ZFHX3: variants seen among roughly 807,000 people sequenced by gnomAD.
ZFHX3 encodes the protein zinc finger homeobox 3, also known as zinc finger homeobox protein 3.
A neutral mutation model predicts 279.1 loss-of-function variants in ZFHX3; 42 were observed. The observed-to-expected ratio is 0.15, with a 90% CI of 0.12 to 0.19. The LOEUF is 0.19. ZFHX3 is among the 10% of genes least tolerant of loss of function. The pLI, the probability that ZFHX3 is intolerant of heterozygous loss-of-function variation, is 1.00. For missense variants in ZFHX3, 4,981 were observed against 4,754.0 expected (o/e 1.05, Z -1.40); for synonymous variants, 2,293 against 1,957.8 (o/e 1.17, Z -4.52).
intron 2 of ZFHX3, among the ~76,000 whole-genome samples, chr16:73,526,716 G>T (rs1430277913): frequency 6.6e-6 from 1 of 152,124 alleles, no homozygotes; most frequent in Non-Finnish European, 1.5e-5. Flanking sequence ...GGAGAATGAT[G>T]ACACTTCCAG....
chr16:73,108,388 G>A (rs1486578910), intron 7 of ZFHX3, among the ~76,000 whole-genome samples: 1 of 151,886 alleles, frequency 6.6e-6, no homozygotes, highest in Non-Finnish European at 1.5e-5. Flanking sequence ...GGAAGACGAT[G>A]AAGAGGAGAA....
intron 5 of ZFHX3, among the ~76,000 whole-genome samples, chr16:72,813,711 T>C (rs1256714552): frequency 1.3e-5 from 2 of 152,190 alleles, no homozygotes; most frequent in Non-Finnish European, 2.9e-5. Context: ...TTGCTCTTAA[T>C]GGGAGTTATT....
At chr16:73,037,082 T>C (rs913450454) in intron 1 of ZFHX3, among the ~76,000 whole-genome samples, 2 of 152,048 alleles carry the variant, frequency 1.3e-5, no homozygotes, top group African/African-American at 2.4e-5. Flanking sequence ...AAAGTACAAA[T>C]ACAAGAGAAC....
At chr16:73,733,452 T>A (rs1375096700) in intron 1 of ZFHX3, among the ~76,000 whole-genome samples, 1 of 152,216 alleles carries the variant, frequency 6.6e-6, no homozygotes, top group Non-Finnish European at 1.5e-5. Context: ...GATGTTAAAA[T>A]TTATATTTTT....
intron 5 of ZFHX3, among the ~76,000 whole-genome samples, chr16:73,247,289 G>C (rs943473200): frequency 6.6e-6 from 1 of 152,020 alleles, no homozygotes; most frequent in Non-Finnish European, 1.5e-5. Flanking sequence ...AAATGTGTCT[G>C]TGTGTCTATG....
chr16:73,087,829 T>C (rs1344871208), intron 8 of ZFHX3, among the ~76,000 whole-genome samples: 2 of 150,584 alleles, frequency 1.3e-5, no homozygotes, highest in Non-Finnish European at 3.0e-5. Context: ...CATTTCTCTC[T>C]CTTTTTTTTT....
chr16:73,061,639 G>A (rs1205538612), upstream of ZFHX3: 1 of 151,840 alleles, frequency 6.6e-6, no homozygotes, highest in Non-Finnish European at 1.5e-5. Flanking sequence ...AATACATCAG[G>A]TAAGGAAAAT....
At chr16:73,012,941 T>C (rs1963965158) in intron 1 of ZFHX3, among the ~76,000 whole-genome samples, 1 of 152,224 alleles carries the variant, frequency 6.6e-6, no homozygotes, top group Non-Finnish European at 1.5e-5. Context: ...GCAGAAAATG[T>C]ATCCATGCTG....
intron 2 of ZFHX3, among the ~76,000 whole-genome samples, chr16:73,589,130 C>A (rs892102347): frequency 6.6e-6 from 1 of 150,626 alleles, no homozygotes; most frequent in African/African-American, 2.4e-5. Flanking sequence ...TGTGGTGATG[C>A]ACGCCTGTAA....
At chr16:72,845,716 C>T (rs1567544899) in intron 4 of ZFHX3, among the ~76,000 whole-genome samples, 1 of 152,038 alleles carries the variant, frequency 6.6e-6, no homozygotes. Context: ...TGTGTAGACC[C>T]CTTCACCACC....
chr16:73,819,445 A>G (rs1461028564), intron 1 of ZFHX3, among the ~76,000 whole-genome samples: 3 of 151,930 alleles, frequency 2.0e-5, no homozygotes, highest in Non-Finnish European at 4.4e-5. Context: ...ACTGGGTTAG[A>G]CAAAATAACT....
At chr16:73,185,676 T>C (rs550217231) in intron 5 of ZFHX3, among the ~76,000 whole-genome samples, 17 of 152,200 alleles carry the variant, frequency 1.1e-4, no homozygotes, top group Non-Finnish European at 2.4e-4. Flanking sequence ...TTGTAATGTA[T>C]TAAAAATAGC....
At chr16:73,539,730 C>A (rs796137188) in intron 2 of ZFHX3, among the ~76,000 whole-genome samples, 23 of 152,114 alleles carry the variant, frequency 1.5e-4, no homozygotes, top group African/African-American at 5.5e-4. Context: ...CCGTGTAGGT[C>A]CGGGCCATCG....
chr16:73,037,793 C>A (rs886873202), intron 1 of ZFHX3, among the ~76,000 whole-genome samples: 1 of 152,200 alleles, frequency 6.6e-6, no homozygotes, highest in South Asian at 2.1e-4. Context: ...CCTGGCTGAC[C>A]CCCATGTCCC....
At position 72,959,831 on chromosome 16, in the gene ZFHX3, C is replaced by CG. The variant is rs769936196; in HGVS notation, c.314dup (p.Pro106AlafsTer13). 2.5e-6 allele frequency: 4 copies of CG among 1,592,790 alleles called. No individual in the cohort carries two copies. ...TGGCGCTCTCCTCTCTCAGGGGTGG[C>CG]GGGGGGCGCGCGCTGGGGCAGTGGT... On this transcript the variant is annotated frameshift_variant, in exon 2 of 10. Coordinates refer to ENST00000268489, the MANE Select transcript of ZFHX3 (RefSeq NM_006885.4). LOFTEE classifies it high-confidence loss of function.
chr16:72,889,795 A>T lies in ZFHX3; in HGVS notation c.3384T>A (p.Leu1128=), dbSNP rs138124176. ...GCCCCAGGTCCTCGTCCTCCTCTGG[A>T]AGGCCCTTCTGCAGCCGCTGCAGCT... ...LRKLQRLQKG[L]PEEDEDLGQI... The change falls in exon 4 of 10, where the codon CTT becomes CTA. Residue 1128 remains leucine, a synonymous_variant. Transcript: ENST00000268489. 1.2e-6 allele frequency: 2 copies of T among 1,613,526 alleles called. No homozygotes were observed. The highest frequency in any genetic ancestry group is 8.5e-7 in the Non-Finnish European group (1 of 1,180,046).
Position 72,889,798 on chromosome 16 carries a change from G to A in ZFHX3, c.3381C>T (p.Gly1127=), listed in dbSNP as rs2038724847. The change falls in exon 4 of 10, where the codon GGC becomes GGT. Residue 1127 remains glycine (G), a synonymous_variant. Coordinates refer to ENST00000268489, the MANE Select transcript of ZFHX3 (RefSeq NM_006885.4). ...CCAGGTCCTCGTCCTCCTCTGGAAG[G>A]CCCTTCTGCAGCCGCTGCAGCTTTC... ...SLRKLQRLQK[G]LPEEDEDLGQ... 1 of 1,613,596 alleles carries A rather than the reference G, an allele frequency of 6.2e-7. No individual in the cohort carries two copies. Among genetic ancestry groups the A allele is most frequent in the South Asian group, 1.1e-5 (1 of 91,060 alleles).
chr16:72,856,380 G>C (rs1053184963), intron 4 of ZFHX3, among the ~76,000 whole-genome samples: 2 of 152,228 alleles, frequency 1.3e-5, no homozygotes, highest in East Asian at 3.8e-4. Flanking sequence ...GGGGGCTCAC[G>C]AGGCTTCCGG....
chr16:73,603,110 C>T lies in ZFHX3; in HGVS notation c.-1547+77070G>A, dbSNP rs185612863. ...ACCATCCTGGCTAACACGGTAAAAC[C>T]TGTCTCTACTAAAAAATACAAAAAA... On this transcript the variant is annotated intron_variant, in intron 2 of 17. Transcript: ENST00000641206. Among the ~76,000 whole-genome samples, 85 of 152,014 alleles carry T rather than the reference C, an allele frequency of 5.6e-4. No homozygotes were observed. In the East Asian group the frequency reaches 0.015, roughly 28 times the overall value.
Sources: allele counts gnomAD v4.1 joint callset (sites outside exome capture counted in the v4.1 genomes callset), GRCh38; gene constraint gnomAD v4.1.1; transcripts MANE v1.5; gene names NCBI Gene and HGNC (gene_info 2026-07-23, HGNC 2026-07-21).